Variants in TNRC6B observed in about 807,000 individuals in gnomAD.
TNRC6B encodes trinucleotide repeat containing adaptor 6B, also known as trinucleotide repeat-containing gene 6B protein.
A neutral mutation model predicts 203.6 loss-of-function variants in TNRC6B; 52 were observed. The observed-to-expected ratio is 0.26, with a 90% CI of 0.20 to 0.32. The LOEUF (loss-of-function observed/expected upper bound fraction) is 0.32. TNRC6B is among the 10% of genes least tolerant of loss of function. TNRC6B has a pLI of 1.00. For synonymous variants in TNRC6B, 838 were observed against 845.7 expected, an observed-to-expected ratio of 0.99 and a Z score of 0.16; for missense variants, 1,923 against 2,286.2, an observed-to-expected ratio of 0.84 and a Z score of 3.24.
chr22:40,288,384 A>G (rs1372714145), intron 12 of TNRC6B, among the ~76,000 whole-genome samples: 1 of 152,136 alleles, frequency 6.6e-6, no homozygotes, highest in Non-Finnish European at 1.5e-5. Flanking sequence ...AAGATTTTTC[A>G]GCTGAGTAGT....
chr22:40,308,697 G>A (rs1490205330), intron 16 of TNRC6B, 48 bp downstream of exon 16: 18 of 1,559,492 alleles, frequency 1.2e-5, no homozygotes, highest in African/African-American at 1.4e-5. Context: ...AGCAGGTCTT[G>A]ATGAAACATC....
At chr22:40,215,475 C>T (rs2069622588) in intron 1 of TNRC6B, among the ~76,000 whole-genome samples, 1 of 152,220 alleles carries the variant, frequency 6.6e-6, no homozygotes, top group Non-Finnish European at 1.5e-5. Flanking sequence ...CTTGCTGCTT[C>T]CTGTTCCCAT....
chr22:40,207,417 AAATATATATATAT>A (rs1189380880), intron 1 of TNRC6B, among the ~76,000 whole-genome samples: 233 of 111,262 alleles, frequency 2.1e-3, no homozygotes, highest in African/African-American at 0.012. Context: ...AAAAAAAAAA[AAATATATATATAT>A]ATATATATAT....
upstream of TNRC6B, among the ~76,000 whole-genome samples, chr22:40,174,599 T>C (rs2069037295): frequency 6.6e-6 from 1 of 152,150 alleles, no homozygotes; most frequent in Admixed American, 6.5e-5. Context: ...ATAATTTTTA[T>C]GGCTGAGGCC....
intron 1 of TNRC6B, among the ~76,000 whole-genome samples, chr22:40,076,769 T>G (rs1267333008): frequency 6.6e-6 from 1 of 152,186 alleles, no homozygotes; most frequent in Non-Finnish European, 1.5e-5. Context: ...GTATGGATGC[T>G]TCATAAAAAA....
intron 19 of TNRC6B, among the ~76,000 whole-genome samples, chr22:40,313,794 T>A (rs1361172547): frequency 6.6e-6 from 1 of 152,246 alleles, no homozygotes; most frequent in Non-Finnish European, 1.5e-5. Flanking sequence ...ACTCACTGAA[T>A]GATCCCACAG....
intron 1 of TNRC6B, among the ~76,000 whole-genome samples, chr22:40,179,167 C>G (rs2069102466): frequency 6.6e-6 from 1 of 152,094 alleles, no homozygotes; most frequent in South Asian, 2.1e-4. Context: ...AAGTTAAATT[C>G]CATTACTCCT....
intron 21 of TNRC6B, 72 bp from the exon 22 acceptor site, chr22:40,321,018 T>G: frequency 1.3e-6 from 2 of 1,578,710 alleles, no homozygotes; most frequent in Non-Finnish European, 1.7e-6. Flanking sequence ...CAGCCAGTGC[T>G]TTGAATATCT....
intron 3 of TNRC6B, among the ~76,000 whole-genome samples, chr22:40,133,918 C>T (rs1057477526): frequency 2.9e-5 from 4 of 137,330 alleles, no homozygotes; most frequent in African/African-American, 1.1e-4. Context: ...TGTGGTGAGC[C>T]GAGACCGTGA....
intron 1 of TNRC6B, among the ~76,000 whole-genome samples, chr22:40,214,802 C>T (rs2069613038): frequency 6.6e-6 from 1 of 152,190 alleles, no homozygotes; most frequent in African/African-American, 2.4e-5. Flanking sequence ...GATCCTCCCA[C>T]CTTGGCCTCC....
At chr22:40,048,663 T>G (rs1431813337) in intron 1 of TNRC6B, among the ~76,000 whole-genome samples, 1 of 152,138 alleles carries the variant, frequency 6.6e-6, no homozygotes, top group Admixed American at 6.5e-5. Context: ...AAAAATAACA[T>G]ACAGTAATAT....
At chr22:40,054,651 A>G (rs143701780) in intron 1 of TNRC6B, among the ~76,000 whole-genome samples, 84 of 152,334 alleles carry the variant, frequency 5.5e-4, no homozygotes, top group Non-Finnish European at 9.3e-4. Flanking sequence ...TGTGTCACCA[A>G]CATCTAGCAC....
At position 40,264,860 on chromosome 22, in the gene TNRC6B, T is replaced by C; in HGVS notation, c.630T>C (p.Ser210=). Reference sequence around the variant, plus strand: ...GTATTGCCAGCAAAGACACTGAATCTTCTTCCGAAAACACCACCGATAACA... The same window carrying C: ...GTATTGCCAGCAAAGACACTGAATCCTCTTCCGAAAACACCACCGATAACA... The part of the protein sequence containing the change: ...WPCIASKDTE[S]SSENTTDNNS... The change falls in exon 5 of 23, where the codon TCT becomes TCC. Residue 210 remains serine, a synonymous_variant. Transcript: ENST00000454349. The C allele has an allele frequency of 6.2e-7, 1 of 1,613,894 alleles. No homozygotes were observed. Among genetic ancestry groups the C allele is most frequent in the Non-Finnish European group, 8.5e-7 (1 of 1,179,882 alleles).
chr22:40,125,656 C>G (rs1568990629), intron 2 of TNRC6B: 1 of 631,798 alleles, frequency 1.6e-6, no homozygotes, highest in East Asian at 2.9e-5. Flanking sequence ...CAAAGTTACT[C>G]AAAGTTACTT....
intron 1 of TNRC6B, among the ~76,000 whole-genome samples, chr22:40,084,842 G>T (rs1288065792): frequency 6.6e-6 from 1 of 152,172 alleles, no homozygotes; most frequent in Non-Finnish European, 1.5e-5. Context: ...CAGGAGTTTG[G>T]TGCATGTATG....
intron 1 of TNRC6B, among the ~76,000 whole-genome samples, chr22:40,085,325 T>TTTATTGTATTACAA: frequency 6.6e-6 from 1 of 152,216 alleles, no homozygotes; most frequent in Non-Finnish European, 1.5e-5. Context: ...ATGTAATTCC[T>TTTATTGTATTACAA]TAATATTACA....
chr22:40,103,571 CT>C lies in TNRC6B; in HGVS notation c.-120-13482del, dbSNP rs1423588226. ...CCACAGTTTGTTTATCTATTGATTA[CT>C]TGAAGGACAAAAAAGACATTTGGGT... On this transcript the variant is annotated intron_variant, in intron 1 of 23. Coordinates refer to the TNRC6B transcript ENST00000301923. Among the ~76,000 whole-genome samples the C allele has an allele frequency of 2.6e-5, 4 of 152,244 alleles. No individual in the cohort carries two copies. The East Asian group carries it at 7.7e-4, about 29-fold the overall frequency.
At chr22:40,151,228 G>A (rs991943403) in intron 3 of TNRC6B, among the ~76,000 whole-genome samples, 2 of 151,602 alleles carry the variant, frequency 1.3e-5, no homozygotes, top group Admixed American at 6.6e-5. Flanking sequence ...CCGAGATCAC[G>A]CCACTGCACT....
chr22:40,299,303 C>T (rs111688698), intron 12 of TNRC6B, among the ~76,000 whole-genome samples: 2 of 151,516 alleles, frequency 1.3e-5, no homozygotes, highest in African/African-American at 4.8e-5. Flanking sequence ...GCAATGGCAC[C>T]ATCTTGGCTC....
Sources: allele counts gnomAD v4.1 joint callset (sites outside exome capture counted in the v4.1 genomes callset), GRCh38; gene constraint gnomAD v4.1.1; transcripts MANE v1.5; gene names NCBI Gene and HGNC (gene_info 2026-07-23, HGNC 2026-07-21).